The following NRXN3 variants were observed in gnomAD, a reference collection of about 807,000 sequenced individuals.
NRXN3 encodes neurexin 3, also known as neurexin III.
A neutral mutation model predicts 137.6 loss-of-function variants in NRXN3; 32 were observed. That is an observed-to-expected ratio of 0.23 (90% CI 0.18 to 0.31). NRXN3 has a LOEUF of 0.31. Among genes scored for constraint, NRXN3 ranks in the 10% least tolerant of loss-of-function variants. The probability of loss-of-function intolerance (pLI) is 1.00; values close to 1 mark genes in which losing one functional copy is unlikely to be tolerated. For synonymous variants in NRXN3, 798 were observed against 784.5 expected (o/e 1.02, Z -0.29); for missense variants, 1,574 against 2,062.5 (o/e 0.76, Z 4.59).
At chr14:78,690,194 C>T (rs543110956) in intron 6 of NRXN3, among the ~76,000 whole-genome samples, 9 of 152,258 alleles carry the variant, frequency 5.9e-5, no homozygotes, top group African/African-American at 1.7e-4. Flanking sequence ...CCAATGATCC[C>T]TCCTATTCAC....
chr14:79,699,683 A>G (rs2098747787), intron 19 of NRXN3, among the ~76,000 whole-genome samples: 1 of 152,052 alleles, frequency 6.6e-6, no homozygotes, highest in Non-Finnish European at 1.5e-5. Flanking sequence ...GCTAGTGATT[A>G]TAACTCTAAA....
At chr14:79,805,454 A>G (rs1217266980) in intron 20 of NRXN3, among the ~76,000 whole-genome samples, 1 of 152,150 alleles carries the variant, frequency 6.6e-6, no homozygotes, top group African/African-American at 2.4e-5. Flanking sequence ...ATATGACTTA[A>G]CATTGGGCAA....
intron 16 of NRXN3, among the ~76,000 whole-genome samples, chr14:79,555,749 C>T (rs1288477495): frequency 6.6e-6 from 1 of 152,128 alleles, no homozygotes; most frequent in Non-Finnish European, 1.5e-5. Flanking sequence ...TTATGTTTGT[C>T]TTCATTTCAG....
intron 15 of NRXN3, among the ~76,000 whole-genome samples, chr14:79,274,097 G>A (rs994532990): frequency 2.0e-4 from 27 of 135,742 alleles, no homozygotes; most frequent in Non-Finnish European, 3.7e-4. Context: ...GCAAGACTCC[G>A]TCTCAAAAAA....
At chr14:79,108,159 A>G (rs999722314) in intron 15 of NRXN3, among the ~76,000 whole-genome samples, 1 of 152,194 alleles carries the variant, frequency 6.6e-6, no homozygotes, top group Non-Finnish European at 1.5e-5. Flanking sequence ...CTATGAACTT[A>G]GGAAAGTGAA....
chr14:79,272,176 T>C (rs965758073), intron 15 of NRXN3, among the ~76,000 whole-genome samples: 4 of 151,996 alleles, frequency 2.6e-5, no homozygotes, highest in African/African-American at 9.7e-5. Context: ...TGGGAAGCAG[T>C]GTATTTAAAT....
In NRXN3 at chr14:79,088,413, C is replaced by T. The variant is rs868296299; in HGVS notation, c.3262+100272C>T. On this transcript the variant is annotated intron_variant, in intron 15 of 20. Transcript: ENST00000335750. ...GTTAGCAACATCATTCTAAACTTAG[C>T]CCAGACAGAAAAGGATGACAGCAAA... 9.4e-5 allele frequency among the ~76,000 whole-genome samples: 14 copies of T among 149,626 alleles called. 1 individual carries two copies. The highest frequency in any genetic ancestry group is 3.6e-4 in the African/African-American group (14 of 39,030).
At chr14:79,720,274 A>G (rs1457747223) in intron 19 of NRXN3, among the ~76,000 whole-genome samples, 1 of 152,096 alleles carries the variant, frequency 6.6e-6, no homozygotes, top group Non-Finnish European at 1.5e-5. Context: ...TAAGAACAAT[A>G]TGGGGGAAAC....
At chr14:79,788,573 G>A (rs960617990) in intron 19 of NRXN3, among the ~76,000 whole-genome samples, 1 of 152,126 alleles carries the variant, frequency 6.6e-6, no homozygotes, top group African/African-American at 2.4e-5. Context: ...ATTAACAGAA[G>A]AGAAAACTAG....
intron 19 of NRXN3, among the ~76,000 whole-genome samples, chr14:79,740,113 C>G (rs746522906): frequency 5.3e-5 from 8 of 152,142 alleles, no homozygotes; most frequent in Non-Finnish European, 1.0e-4. Flanking sequence ...TGTCCTCTAG[C>G]CCCTGAGCTG....
chr14:78,498,742 A>G (rs1399036563), intron 4 of NRXN3, among the ~76,000 whole-genome samples: 2 of 152,102 alleles, frequency 1.3e-5, no homozygotes, highest in African/African-American at 4.8e-5. Context: ...TGAGAAGTAA[A>G]TATGGGGGAC....
chr14:78,690,049 G>C (rs1386533135), intron 6 of NRXN3, among the ~76,000 whole-genome samples: 1 of 152,038 alleles, frequency 6.6e-6, no homozygotes, highest in African/African-American at 2.4e-5. Context: ...AAACCCAGTC[G>C]TTCCTTAGGC....
chr14:78,971,034 A>G (rs992094651), intron 14 of NRXN3, among the ~76,000 whole-genome samples: 3 of 152,230 alleles, frequency 2.0e-5, no homozygotes, highest in Non-Finnish European at 4.4e-5. Flanking sequence ...CTAAGTGGCC[A>G]GGAAAAATGG....
intron 10 of NRXN3, among the ~76,000 whole-genome samples, chr14:78,840,363 A>G (rs2099008827): frequency 6.6e-6 from 1 of 152,214 alleles, no homozygotes; most frequent in Non-Finnish European, 1.5e-5. Context: ...TGAAGAGGAC[A>G]TAAAGGTAAC....
chr14:78,236,550 C>T (rs867198931), intron 1 of NRXN3, among the ~76,000 whole-genome samples: 3 of 152,142 alleles, frequency 2.0e-5, no homozygotes, highest in South Asian at 2.1e-4. Flanking sequence ...TGCATATTTT[C>T]AGTTGGACAT....
chr14:78,497,034 A>C (rs2153764346), intron 4 of NRXN3, among the ~76,000 whole-genome samples: 1 of 152,202 alleles, frequency 6.6e-6, no homozygotes, highest in South Asian at 2.1e-4. Context: ...GTTTTCGATA[A>C]GTTATGCCAT....
intron 15 of NRXN3, among the ~76,000 whole-genome samples, chr14:79,037,544 T>A (rs2099618099): frequency 6.6e-6 from 1 of 152,140 alleles, no homozygotes; most frequent in South Asian, 2.1e-4. Flanking sequence ...GCAAAGGCAT[T>A]TTAATTCTAA....
chr14:78,882,284 G>A (rs1368913079), intron 10 of NRXN3, among the ~76,000 whole-genome samples: 2 of 151,752 alleles, frequency 1.3e-5, no homozygotes, highest in Non-Finnish European at 2.9e-5. Context: ...GTACTGACTA[G>A]TAGAACTGTG....
At chr14:79,647,398 A>ACGGT (rs2098457399) in intron 16 of NRXN3, among the ~76,000 whole-genome samples, 1 of 135,654 alleles carries the variant, frequency 7.4e-6, no homozygotes, top group African/African-American at 2.5e-5. Flanking sequence ...TCTATACGGA[A>ACGGT]CGGTCTGCTG....
Sources: gnomAD v4.1 joint callset for allele counts (sites outside exome capture counted in the v4.1 genomes callset) on GRCh38, gnomAD v4.1.1 for gene constraint, MANE v1.5 for transcripts, NCBI Gene and HGNC (gene_info 2026-07-23, HGNC 2026-07-21) for gene names.